Variants in FBRSL1 observed in about 807,000 individuals in gnomAD.
FBRSL1 encodes fibrosin like 1.
FBRSL1 carries 51 observed loss-of-function variants against 89.6 expected under a neutral mutation model. That is an observed-to-expected ratio of 0.57 (90% CI 0.45 to 0.72). The LOEUF (loss-of-function observed/expected upper bound fraction) is 0.72. FBRSL1 is among the 30% of genes least tolerant of loss of function. FBRSL1 has a pLI of 0.00. For missense variants in FBRSL1, 1,618 were observed against 1,451.8 expected, an observed-to-expected ratio of 1.11 and a Z score of -1.86; for synonymous variants, 779 against 681.1, an observed-to-expected ratio of 1.14 and a Z score of -2.24.
intron 18 of FBRSL1, among the ~76,000 whole-genome samples, chr12:132,582,511 G>C (rs2040843990): frequency 6.6e-6 from 1 of 150,782 alleles, no homozygotes; most frequent in African/African-American, 2.4e-5. Flanking sequence ...GGGGGCCAAA[G>C]CTCTGCTCCC....
Position 132,564,684 on chromosome 12 carries a change from ACGGGGTTT to A in FBRSL1, c.646-2795_646-2788del. On this transcript the variant is annotated intron_variant, in intron 5 of 18. Coordinates refer to ENST00000680143, the MANE Select transcript of FBRSL1 (RefSeq NM_001367871.1). ...CTAATTTTTTGTATTTTTAGTAGAG[ACGGGGTTT>A]CACCGTGTTAGCCAGGATGGTCTCG... Among the ~76,000 whole-genome samples the A allele has an allele frequency of 3.2e-5, 3 of 95,132 alleles. 1 individual carries two copies. In the South Asian group the frequency reaches 1.1e-3, roughly 35 times the overall value. 62.4% of individuals were successfully genotyped at this position (95,132 alleles called of 152,430 possible). A position where few individuals can be genotyped will look rare whatever the true frequency, so the allele number is the denominator to read the frequency against.
At chr12:132,537,013 G>A (rs1037622700) in intron 4 of FBRSL1, among the ~76,000 whole-genome samples, 7 of 152,168 alleles carry the variant, frequency 4.6e-5, no homozygotes, top group African/African-American at 1.4e-4. Context: ...TCAGGCTGAC[G>A]TGGGGTGGGG....
intron 2 of FBRSL1, chr12:132,511,968 A>G (rs1464231135): frequency 2.0e-6 from 2 of 985,444 alleles, no homozygotes; most frequent in Non-Finnish European, 2.4e-6. Flanking sequence ...AGCGTTTGTA[A>G]TTTAAACAGA....
intron 5 of FBRSL1, among the ~76,000 whole-genome samples, chr12:132,561,234 G>A (rs2039095913): frequency 6.6e-6 from 1 of 151,300 alleles, no homozygotes; most frequent in Non-Finnish European, 1.5e-5. Flanking sequence ...CGTCTGCTAA[G>A]TGTAGGGCCC....
rs1344163135 is a variant in FBRSL1 at position 132,490,202 on chromosome 12, C to T, written c.-369C>T. On this transcript the variant is annotated 5_prime_UTR_variant, in exon 1 of 19. Transcript: ENST00000680143. ...GCCGCCGCCTCACGAGCCCGGTGCC[C>T]AGGAGCCCGGCCGCCTCCCGCCTGC... 3 of 11,288 alleles carry T rather than the reference C, an allele frequency of 2.7e-4. No individual in the cohort carries two copies. Among genetic ancestry groups the T allele is most frequent in the African/African-American group, 5.0e-4 (1 of 2,016 alleles). 0.7% of individuals were successfully genotyped at this position (11,288 alleles called of 1,614,324 possible).
intron 1 of FBRSL1, among the ~76,000 whole-genome samples, chr12:132,502,480 G>A (rs781405405): frequency 1.6e-4 from 24 of 152,306 alleles, no homozygotes; most frequent in Non-Finnish European, 2.8e-4. Context: ...AGGGAGGAAC[G>A]TCCGAGTGCA....
At chr12:132,577,621 C>A (rs1402374140) in intron 15 of FBRSL1, among the ~76,000 whole-genome samples, 2 of 152,046 alleles carry the variant, frequency 1.3e-5, no homozygotes, top group Non-Finnish European at 2.9e-5. Flanking sequence ...CACCCACTCC[C>A]CCGAGTCACC....
In FBRSL1 at chr12:132,562,173, C is replaced by T. The variant is rs115128735; in HGVS notation, c.646-5308C>T. On this transcript the variant is annotated intron_variant, in intron 5 of 18. Coordinates refer to ENST00000680143, the MANE Select transcript of FBRSL1 (RefSeq NM_001367871.1). ...GCTGGACGGGGCAGGGAGGTGGAGG[C>T]GGACCCCATGGGAGCCACACTTCTG... is the stretch of plus-strand genomic sequence containing the variant. 9.3e-3 allele frequency among the ~76,000 whole-genome samples: 1,422 copies of T among 152,230 alleles called. 27 individuals are homozygous for T. The highest frequency in any genetic ancestry group is 0.033 in the African/African-American group (1,355 of 41,532).
At chr12:132,518,141 CCCAAGAG>C (rs1439128670) in intron 2 of FBRSL1, among the ~76,000 whole-genome samples, 2 of 152,146 alleles carry the variant, frequency 1.3e-5, no homozygotes, top group African/African-American at 4.8e-5. Flanking sequence ...CACTAGTGTC[CCCAAGAG>C]CCTGCTGGCA....
intron 2 of FBRSL1, chr12:132,509,675 C>A: frequency 8.1e-7 from 1 of 1,231,738 alleles, no homozygotes. Flanking sequence ...CAAGGCACCG[C>A]TGCAGGCGCC....
In FBRSL1 at chr12:132,517,855, C is replaced by A. The variant is rs1013237171; in HGVS notation, c.490-7879C>A. Among the ~76,000 whole-genome samples, 6 of 152,176 alleles carry A rather than the reference C, an allele frequency of 3.9e-5. 1 individual carries two copies. Among genetic ancestry groups the A allele is most frequent in the Admixed American group, 3.9e-4 (6 of 15,284 alleles). ...CGGTTGTGGGGGTGGTGGCGCCTGT[C>A]GGGAGGCTGCTGCAGCCGTTCAGGA... is the stretch of plus-strand genomic sequence containing the variant. On this transcript the variant is annotated intron_variant, in intron 2 of 18. Transcript: ENST00000680143.
At chr12:132,511,395 C>T in intron 2 of FBRSL1, 1 of 986,020 alleles carries the variant, frequency 1.0e-6, no homozygotes, top group South Asian at 4.7e-5. Context: ...GGGCCCATCC[C>T]TGCCCCTTCC....
At chr12:132,563,581 G>A (rs1174610672) in intron 5 of FBRSL1, among the ~76,000 whole-genome samples, 3 of 152,080 alleles carry the variant, frequency 2.0e-5, no homozygotes, top group East Asian at 1.9e-4. Context: ...TCCCAGCATC[G>A]TGTCACATCT....
At chr12:132,578,736 T>G (rs1039558279) in intron 15 of FBRSL1, among the ~76,000 whole-genome samples, 2 of 147,026 alleles carry the variant, frequency 1.4e-5, no homozygotes, top group African/African-American at 5.1e-5. Flanking sequence ...CCCCTCACTC[T>G]CCCCTCACCG....
chr12:132,565,464 C>T (rs974023649), intron 5 of FBRSL1: 3 of 152,266 alleles, frequency 2.0e-5, no homozygotes, highest in African/African-American at 4.8e-5. Context: ...TGTCCCTGTA[C>T]GTGAACCCGA....
intron 14 of FBRSL1, 60 bp downstream of exon 14, chr12:132,574,624 C>A: frequency 6.6e-7 from 1 of 1,523,986 alleles, no homozygotes. Flanking sequence ...TGGTCGGGCC[C>A]TGAAGGCCAG....
chr12:132,556,725 ACGC>A (rs2038696028), intron 5 of FBRSL1, among the ~76,000 whole-genome samples: 2 of 46,240 alleles, frequency 4.3e-5, no homozygotes, highest in Non-Finnish European at 4.3e-5. Context: ...GTCCTGTGGG[ACGC>A]TCTTCTTCAG....
chr12:132,513,424 G>C (rs924553102), intron 2 of FBRSL1, among the ~76,000 whole-genome samples: 3 of 152,260 alleles, frequency 2.0e-5, no homozygotes, highest in Non-Finnish European at 4.4e-5. Context: ...TGTCTTCCGG[G>C]GGGTGACAGT....
chr12:132,501,079 C>G (rs907897571), intron 1 of FBRSL1, among the ~76,000 whole-genome samples: 2 of 152,196 alleles, frequency 1.3e-5, no homozygotes, highest in African/African-American at 4.8e-5. Context: ...GGGAGGGGAC[C>G]CTGATGTGGA....
Sources: gnomAD v4.1 joint callset for allele counts (sites outside exome capture counted in the v4.1 genomes callset) on GRCh38, gnomAD v4.1.1 for gene constraint, MANE v1.5 for transcripts, NCBI Gene and HGNC (gene_info 2026-07-23, HGNC 2026-07-21) for gene names.